The following OXR1 variants were observed in gnomAD, a reference collection of about 807,000 sequenced individuals.
OXR1 encodes the protein oxidation resistance 1, also known as oxidation resistance protein 1.
OXR1 carries 41 observed loss-of-function variants against 104.6 expected under a neutral mutation model. That is an observed-to-expected ratio of 0.39 (90% CI 0.31 to 0.51). OXR1 has a LOEUF of 0.51. Among genes scored for constraint, OXR1 ranks in the 20% least tolerant of loss-of-function variants. OXR1 has a pLI of 0.77. For missense variants in OXR1, 955 were observed against 1,031.9 expected (o/e 0.93, Z 1.02); for synonymous variants, 348 against 348.4 (o/e 1.00, Z 0.01).
chr8:106,486,915 GT>G (rs1308588766), intron 2 of OXR1, among the ~76,000 whole-genome samples: 1 of 151,250 alleles, frequency 6.6e-6, no homozygotes, highest in Non-Finnish European at 1.5e-5. Flanking sequence ...CATCAATGTA[GT>G]TTTTAACCTG....
chr8:106,511,556 TACAC>T (rs59970999), intron 2 of OXR1, among the ~76,000 whole-genome samples: 22 of 151,150 alleles, frequency 1.5e-4, no homozygotes, highest in Non-Finnish European at 2.5e-4. Context: ...CTCTCTCTCA[TACAC>T]ACACACACAC....
chr8:106,547,052 A>T (rs1315466780), intron 3 of OXR1, among the ~76,000 whole-genome samples: 6 of 151,958 alleles, frequency 3.9e-5, no homozygotes, highest in Admixed American at 6.6e-5. Context: ...CACCACGCCT[A>T]GCTAATTTTT....
chr8:106,745,265 A>AT (rs1334083393), intron 15 of OXR1, among the ~76,000 whole-genome samples: 2 of 152,214 alleles, frequency 1.3e-5, no homozygotes, highest in African/African-American at 4.8e-5. Flanking sequence ...TTCTCAAATG[A>AT]TTTTAAGTTC....
chr8:106,272,946 C>G (rs998047002), intron 1 of OXR1: 1 of 151,970 alleles, frequency 6.6e-6, no homozygotes, highest in African/African-American at 2.4e-5. Context: ...GAGGGAAAGT[C>G]GGCCAAATTG....
intron 1 of OXR1, among the ~76,000 whole-genome samples, chr8:106,315,555 T>C (rs760493830): frequency 5.9e-4 from 90 of 152,224 alleles, no homozygotes; most frequent in Non-Finnish European, 1.1e-3. Flanking sequence ...TTTACTCATT[T>C]AATATTTCAG....
intron 2 of OXR1, among the ~76,000 whole-genome samples, chr8:106,436,003 A>G (rs1227583681): frequency 6.6e-6 from 1 of 152,182 alleles, no homozygotes; most frequent in Non-Finnish European, 1.5e-5. Context: ...AGGTCACCCT[A>G]GCTTTTTTGA....
intron 3 of OXR1, among the ~76,000 whole-genome samples, chr8:106,654,441 T>C (rs983446225): frequency 7.9e-5 from 12 of 152,080 alleles, no homozygotes; most frequent in Admixed American, 5.9e-4. Flanking sequence ...AAAAATCATC[T>C]TTTCAATAAA....
At chr8:106,506,371 T>C (rs1037326249) in intron 2 of OXR1, among the ~76,000 whole-genome samples, 1 of 152,200 alleles carries the variant, frequency 6.6e-6, no homozygotes, top group Non-Finnish European at 1.5e-5. Context: ...CTCAGCACTT[T>C]GGGAGGCCAA....
intron 2 of OXR1, among the ~76,000 whole-genome samples, chr8:106,378,310 A>G (rs933364951): frequency 6.6e-6 from 1 of 152,104 alleles, no homozygotes; most frequent in African/African-American, 2.4e-5. Context: ...TGCTGGGACA[A>G]CCTCTTACTG....
chr8:106,449,529 G>A (rs997969002), intron 2 of OXR1, among the ~76,000 whole-genome samples: 14 of 152,126 alleles, frequency 9.2e-5, no homozygotes, highest in Non-Finnish European at 1.9e-4. Flanking sequence ...AGTTTGTATT[G>A]TTATAATTCC....
intron 2 of OXR1, among the ~76,000 whole-genome samples, chr8:106,396,940 T>C (rs1388946184): frequency 6.6e-6 from 1 of 152,152 alleles, no homozygotes; most frequent in Non-Finnish European, 1.5e-5. Flanking sequence ...GCTGTGTATG[T>C]ATAATGACTT....
chr8:106,436,349 A>G (rs1292053372), intron 2 of OXR1, among the ~76,000 whole-genome samples: 3 of 152,110 alleles, frequency 2.0e-5, no homozygotes, highest in Non-Finnish European at 4.4e-5. Flanking sequence ...TAGCATATCC[A>G]GGTTTCAAAC....
intron 2 of OXR1, among the ~76,000 whole-genome samples, chr8:106,384,898 AGAGAT>A (rs1280100575): frequency 6.6e-6 from 1 of 151,814 alleles, no homozygotes; most frequent in African/African-American, 2.4e-5. Context: ...TATTGTTAGT[AGAGAT>A]GGGGGTTTAC....
At chr8:106,505,416 GT>G (rs1812093175) in intron 2 of OXR1, among the ~76,000 whole-genome samples, 1 of 152,160 alleles carries the variant, frequency 6.6e-6, no homozygotes, top group South Asian at 2.1e-4. Context: ...TCCTTTTGAA[GT>G]GACTTCTAAA....
At position 106,325,464 on chromosome 8, in the gene OXR1, T is replaced by C. The variant is rs548720534; in HGVS notation, c.-138-34012T>C. Among the ~76,000 whole-genome samples, 4 of 152,330 alleles carry C rather than the reference T, an allele frequency of 2.6e-5. No homozygotes were observed. In the East Asian group the frequency reaches 7.7e-4, roughly 29 times the overall value. ...TTTTATCCCCAACTCTATTAATCTTTATCAAATAACTTCTCTGTGCCTAGA... is the reference window on the plus strand; with the variant it reads ...TTTTATCCCCAACTCTATTAATCTTCATCAAATAACTTCTCTGTGCCTAGA... On this transcript the variant is annotated intron_variant, in intron 1 of 16. Coordinates refer to ENST00000517566, the MANE Select transcript of OXR1 (RefSeq NM_001198533.2).
At chr8:106,462,781 C>T (rs541242723) in intron 2 of OXR1, among the ~76,000 whole-genome samples, 2 of 147,822 alleles carry the variant, frequency 1.4e-5, no homozygotes, top group Non-Finnish European at 3.0e-5. Context: ...CTTCCCTGAA[C>T]CACATTTTTT....
chr8:106,398,797 C>T (rs966106322), intron 2 of OXR1, among the ~76,000 whole-genome samples: 1 of 152,120 alleles, frequency 6.6e-6, no homozygotes, highest in Non-Finnish European at 1.5e-5. Context: ...TTCATCAGGG[C>T]CTACGCTTGA....
intron 3 of OXR1, among the ~76,000 whole-genome samples, chr8:106,614,471 C>T (rs1821042953): frequency 6.6e-6 from 1 of 152,164 alleles, no homozygotes. Context: ...GATGTAGAAG[C>T]AAGAGCATTT....
At chr8:106,631,742 A>G (rs577567478) in intron 3 of OXR1, among the ~76,000 whole-genome samples, 2 of 152,314 alleles carry the variant, frequency 1.3e-5, no homozygotes, top group East Asian at 3.9e-4. Context: ...AAAGGATCAT[A>G]ATCAGCCTAC....
Sources: allele counts gnomAD v4.1 joint callset (sites outside exome capture counted in the v4.1 genomes callset), GRCh38; gene constraint gnomAD v4.1.1; transcripts MANE v1.5; gene names NCBI Gene and HGNC (gene_info 2026-07-23, HGNC 2026-07-21).